The following VWA7 variants were observed in gnomAD, a reference collection of about 807,000 sequenced individuals.
The protein encoded by VWA7 is von Willebrand factor A domain-containing protein 7.
A neutral mutation model predicts 83.1 loss-of-function variants in VWA7; 66 were observed. That is an observed-to-expected ratio of 0.79 (90% CI 0.65 to 0.98). VWA7 has a LOEUF of 0.98. Among genes scored for constraint, VWA7 ranks in the 50% least tolerant of loss-of-function variants. The pLI is 0.00. For synonymous variants in VWA7, 424 were observed against 488.5 expected (o/e 0.87, Z 1.74); for missense variants, 1,080 against 1,160.2 (o/e 0.93, Z 1.00).
intron 7 of VWA7, among the ~76,000 whole-genome samples, chr6:31,771,003 CTCTCTCT>C (rs1403716398): frequency 7.5e-6 from 1 of 133,676 alleles, no homozygotes; most frequent in East Asian, 2.2e-4. Flanking sequence ...CTCTCCCTCT[CTCTCTCT>C]CAAAAAAAAA....
intron 10 of VWA7, 99 bp from the exon 11 acceptor site, chr6:31,767,853 C>T: frequency 2.8e-6 from 4 of 1,425,264 alleles, no homozygotes; most frequent in Non-Finnish European, 2.8e-6. Flanking sequence ...CGTCATTGGG[C>T]CGGGCGCAGT....
chr6:31,768,962 G>A, intron 10 of VWA7, 56 bp downstream of exon 10: 2 of 1,511,954 alleles, frequency 1.3e-6, no homozygotes, highest in Non-Finnish European at 1.8e-6. Flanking sequence ...TATAAGAAGA[G>A]AGGTGCAGCC....
intron 10 of VWA7, among the ~76,000 whole-genome samples, chr6:31,768,291 G>A (rs1027388835): frequency 2.9e-4 from 44 of 152,224 alleles, no homozygotes; most frequent in African/African-American, 1.0e-3. Context: ...GATTCAGGAT[G>A]AGACAATCAC....
chr6:31,775,839 G>A lies in VWA7; in HGVS notation c.513+125C>T, dbSNP rs1004527659. 3.5e-6 allele frequency: 5 copies of A among 1,432,746 alleles called. No individual in the cohort carries two copies. The highest frequency in any genetic ancestry group is 2.7e-5 in the South Asian group (2 of 73,088). 88.8% of individuals were successfully genotyped at this position (1,432,746 alleles called of 1,614,324 possible). ...CTGGGACACAGCCTCGGGGCACCGC[G>A]TGCCAGTGCCCACCCCTTCCAGAGT... On this transcript the variant is annotated intron_variant, in intron 3 of 16. Coordinates refer to ENST00000375688, the MANE Select transcript of VWA7 (RefSeq NM_025258.3). This position sits in a 1 kb window ranked among gnomAD's most constrained non-coding sequence, Gnocchi z 5.9.
rs1416237359 is a variant in VWA7 at position 31,776,643 on chromosome 6, T to C, written c.137A>G (p.Gln46Arg). The change falls in exon 2 of 17, where the codon CAA becomes CGA. Residue 46 changes from glutamine to arginine, a missense_variant. Gln to Arg is a conservative substitution (Grantham distance 43). Coordinates refer to ENST00000375688, the MANE Select transcript of VWA7 (RefSeq NM_025258.3). The surrounding 1 kb of genome is among the most constrained non-coding windows in gnomAD (Gnocchi z 6.2). ...GAGCGCTGCCTCCTCAGTTAGGTCT[T>C]GGTGGGTGATGGAGCCAGGGGCAGC... ...LLAAPGSITH[Q>R]DLTEEAALNV... 1.9e-6 allele frequency: 3 copies of C among 1,546,420 alleles called. No individual in the cohort carries two copies. The highest frequency in any genetic ancestry group is 1.7e-4 in the Middle Eastern group (1 of 5,970).
rs374215496 is a variant in VWA7 at position 31,776,145 on chromosome 6, T to C, written c.332A>G (p.Asn111Ser). Residue 111 changes from asparagine (N) to serine (S), a missense_variant, in exon 3 of 17, where the codon AAT becomes AGT. Transcript: ENST00000375688. The surrounding 1 kb of genome is among the most constrained non-coding windows in gnomAD (Gnocchi z 6.2). ...RAALGEVSRANAAQDFLPTSR... is the reference protein window; with the variant it reads ...RAALGEVSRASAAQDFLPTSR... ...AGTTGGCAGGAAGTCCTGGGCTGCATTGGCACGAGACACCTCACCTAAGGC... is the reference window on the plus strand; with the variant it reads ...AGTTGGCAGGAAGTCCTGGGCTGCACTGGCACGAGACACCTCACCTAAGGC... 10 of 1,613,814 alleles carry C rather than the reference T, an allele frequency of 6.2e-6. No homozygotes were observed. The highest frequency in any genetic ancestry group is 4.0e-5 in the African/African-American group (3 of 74,878).
At chr6:31,768,875 T>G (rs1811889917) in intron 10 of VWA7, 143 bp downstream of exon 10, 2 of 933,256 alleles carry the variant, frequency 2.1e-6, no homozygotes, top group Non-Finnish European at 3.1e-6. Flanking sequence ...GTCATGGATC[T>G]AAGAGGAAGA....
intron 10 of VWA7, among the ~76,000 whole-genome samples, chr6:31,768,008 T>C (rs1221282311): frequency 1.4e-5 from 2 of 146,816 alleles, no homozygotes; most frequent in Non-Finnish European, 3.0e-5. Context: ...GGTGTGGTGG[T>C]GGGCTCCTGT....
chr6:31,772,598 T>C (rs1192091502), intron 7 of VWA7, among the ~76,000 whole-genome samples: 3 of 132,702 alleles, frequency 2.3e-5, no homozygotes, highest in Non-Finnish European at 4.8e-5. Context: ...TTTTTTTTTT[T>C]TTTTTTTTTT....
chr6:31,772,860 A>G (rs927200427), intron 7 of VWA7, 94 bp downstream of exon 7: 23 of 1,462,846 alleles, frequency 1.6e-5, no homozygotes, highest in Non-Finnish European at 2.0e-5. Flanking sequence ...CAGCCTCCCA[A>G]AGTGCTGGGA....
Position 31,766,372 on chromosome 6 carries a change from A to G in VWA7, c.2197T>C (p.Ser733Pro), listed in dbSNP as rs1811573099. 1 of 1,600,236 alleles carries G rather than the reference A, an allele frequency of 6.2e-7. No individual in the cohort carries two copies. The highest frequency in any genetic ancestry group is 1.8e-5 in the Admixed American group (1 of 56,604). Residue 733 changes from serine (S) to proline (P), a missense_variant, in exon 15 of 17, where the codon TCG becomes CCG. Coordinates refer to ENST00000375688, the MANE Select transcript of VWA7 (RefSeq NM_025258.3). The surrounding 1 kb of genome is among the most constrained non-coding windows in gnomAD (Gnocchi z 4.9). ...VPVLLELSGPSGFLAPGSKVP... is the reference protein window; with the variant it reads ...VPVLLELSGPPGFLAPGSKVP... ...TTGCTGCCCGGGGCCAAGAAACCCG[A>G]GGGGCCACTAAGCTGCAGAGAAGGG... is the stretch of plus-strand genomic sequence containing the variant.
At chr6:31,767,560 G>C (rs564130198) in intron 11 of VWA7, 46 bp from the exon 12 acceptor site, 1 of 1,599,842 alleles carries the variant, frequency 6.3e-7, no homozygotes, top group African/African-American at 1.3e-5. Flanking sequence ...TGCTCTCCTT[G>C]AGTACATCCC....
rs1338222329 is a variant in VWA7, at chr6:31,766,413, G to A, written c.2185-29C>T. ...CAGAGAAGGGTTCTTCAGGGAAGGGGCCGCTCTAACTCTCTCCAGCCCCAG... is the reference window on the plus strand; with the variant it reads ...CAGAGAAGGGTTCTTCAGGGAAGGGACCGCTCTAACTCTCTCCAGCCCCAG... On this transcript the variant is annotated intron_variant, in intron 14 of 16. Transcript: ENST00000375688. The surrounding 1 kb of genome is among the most constrained non-coding windows in gnomAD (Gnocchi z 4.9). 5 of 1,581,140 alleles carry A rather than the reference G, an allele frequency of 3.2e-6. 1 individual carries two copies. The highest frequency in any genetic ancestry group is 2.7e-5 in the African/African-American group (2 of 74,578).
rs1812777188 is a variant in VWA7, at chr6:31,777,272, C to G, written c.-179G>C. 2.0e-6 allele frequency: 1 copy of G among 495,844 alleles called. No individual in the cohort carries two copies. The highest frequency in any genetic ancestry group is 1.9e-5 in the African/African-American group (1 of 51,760). The allele number at this position is 495,844 out of a possible 1,614,324, so 30.7% of individuals were successfully genotyped here. On this transcript the variant is annotated 5_prime_UTR_variant, in exon 1 of 17. Coordinates refer to ENST00000375688, the MANE Select transcript of VWA7 (RefSeq NM_025258.3). The surrounding 1 kb of genome is among the most constrained non-coding windows in gnomAD (Gnocchi z 5.8). ...CCTTTCGCTCCTGCCTGCCCAAAGCCACAGGCAGCAGCCCACGCCAGGGCG... is the reference window on the plus strand; with the variant it reads ...CCTTTCGCTCCTGCCTGCCCAAAGCGACAGGCAGCAGCCCACGCCAGGGCG...
chr6:31,769,821 C>A lies in VWA7; in HGVS notation c.1201-30G>T. 1 of 1,599,286 alleles carries A rather than the reference C, an allele frequency of 6.3e-7. No individual in the cohort carries two copies. Among genetic ancestry groups the A allele is most frequent in the Non-Finnish European group, 8.6e-7 (1 of 1,167,708 alleles). ...CAGGGAAGGCAACGACCAGTGTTAA[C>A]AATGGCAGTAGGAGGGGAATGGGTA... On this transcript the variant is annotated intron_variant, in intron 8 of 16. Transcript: ENST00000375688. The surrounding 1 kb of genome is among the most constrained non-coding windows in gnomAD (Gnocchi z 4.5).
At chr6:31,771,355 A>G (rs1240325095) in intron 7 of VWA7, 1 of 152,350 alleles carries the variant, frequency 6.6e-6, no homozygotes, top group East Asian at 1.9e-4. Flanking sequence ...CTCTGAGCCC[A>G]AGCTAACCAA....
rs1279708152 is a variant in VWA7, at chr6:31,766,324, C to T, written c.2245G>A (p.Ala749Thr). Residue 749 changes from alanine to threonine, a missense_variant, in exon 15 of 17, where the codon GCC becomes ACC. Physicochemically the swap from Ala to Thr is moderately conservative, Grantham distance 58. Transcript: ENST00000375688. The surrounding 1 kb of genome is among the most constrained non-coding windows in gnomAD (Gnocchi z 4.9). Reference protein sequence around the residue: ...GSKVPLSLRIASFSGPQDLDL... With the variant: ...GSKVPLSLRITSFSGPQDLDL... The stretch of plus-strand genomic sequence containing the variant: ...AGATCCTGAGGGCCCGAGAAGCTGG[C>T]GATGCGGAGACTGAGCGGGACTTTG... The T allele has an allele frequency of 3.1e-6, 5 of 1,610,922 alleles. No homozygotes were observed. Among genetic ancestry groups the T allele is most frequent in the Non-Finnish European group, 3.4e-6 (4 of 1,179,318 alleles).
At position 31,766,826 on chromosome 6, in the gene VWA7, T is replaced by A; in HGVS notation, c.1883-62A>T. 1.3e-6 allele frequency: 2 copies of A among 1,528,486 alleles called. No individual in the cohort carries two copies. The highest frequency in any genetic ancestry group is 1.8e-6 in the Non-Finnish European group (2 of 1,132,470). The allele number at this position is 1,528,486 out of a possible 1,614,324, so 94.7% of individuals were successfully genotyped here. On this transcript the variant is annotated intron_variant, in intron 13 of 16. Coordinates refer to ENST00000375688, the MANE Select transcript of VWA7 (RefSeq NM_025258.3). This position sits in a 1 kb window ranked among gnomAD's most constrained non-coding sequence, Gnocchi z 4.9. The stretch of plus-strand genomic sequence containing the variant: ...TTCGGAGACACAGGGAGAAAAGAAT[T>A]AATGGCCTTCAAAATAGGGGTTCCC...
rs1811640863 is a variant in VWA7, at chr6:31,766,822, GAATT to G, written c.1883-62_1883-59del. The G allele has an allele frequency of 6.5e-7, 1 of 1,534,648 alleles. No individual in the cohort carries two copies. The highest frequency in any genetic ancestry group is 8.8e-7 in the Non-Finnish European group (1 of 1,136,260). ...GAGATTCGGAGACACAGGGAGAAAA[GAATT>G]AATGGCCTTCAAAATAGGGGTTCCC... On this transcript the variant is annotated intron_variant, in intron 13 of 16. Coordinates refer to ENST00000375688, the MANE Select transcript of VWA7 (RefSeq NM_025258.3). The surrounding 1 kb of genome is among the most constrained non-coding windows in gnomAD (Gnocchi z 4.9).
Sources: gnomAD v4.1 joint callset for allele counts (sites outside exome capture counted in the v4.1 genomes callset) on GRCh38, gnomAD v4.1.1 for gene constraint, Gnocchi (gnomAD v3.1) non-coding constraint, MANE v1.5 for transcripts, NCBI Gene and HGNC (gene_info 2026-07-23, HGNC 2026-07-21) for gene names.